The following ADGRE2 variants were observed in gnomAD, a reference collection of about 807,000 sequenced individuals.
The protein encoded by ADGRE2 is adhesion G protein-coupled receptor E2, also known as CD97 antigen.
Under a neutral mutation model 100.8 loss-of-function variants are expected in ADGRE2, and 83 were observed. The observed-to-expected ratio is 0.82, with a 90% CI of 0.69 to 0.99. The LOEUF is 0.99. Ranked by LOEUF, ADGRE2 falls within the 50% of genes least tolerant of loss-of-function variation. The pLI is 0.00. For synonymous variants in ADGRE2, 355 were observed against 413.0 expected (o/e 0.86, Z 1.70); for missense variants, 814 against 1,035.7 (o/e 0.79, Z 2.94).
At chr19:14,731,119 T>G, downstream of ADGRE2, 2 of 1,492,830 alleles carry the variant, frequency 1.3e-6, no homozygotes, top group Non-Finnish European at 1.8e-6. Context: ...GCCCCTTTAT[T>G]CATTCAATTT....
chr19:14,770,027 C>A (rs1329502842), intron 5 of ADGRE2, among the ~76,000 whole-genome samples: 3 of 152,196 alleles, frequency 2.0e-5, no homozygotes, highest in Non-Finnish European at 4.4e-5. Context: ...CATGGCAACA[C>A]ACCTCCTCAA....
At chr19:14,751,929 ATATT>A (rs1342445942) in intron 15 of ADGRE2, among the ~76,000 whole-genome samples, 3 of 83,756 alleles carry the variant, frequency 3.6e-5, no homozygotes, top group South Asian at 4.7e-4. Flanking sequence ...ATATATATAT[ATATT>A]TTTTTTTTTT....
chr19:14,773,805 C>A lies in ADGRE2; in HGVS notation c.199+133G>T, dbSNP rs367857894. On this transcript the variant is annotated intron_variant, in intron 4 of 20. Coordinates refer to ENST00000315576, the MANE Select transcript of ADGRE2 (RefSeq NM_013447.4). The stretch of plus-strand genomic sequence containing the variant: ...GGGAGCCACCACACCTGCCCTCTTT[C>A]TCTTTTCTCTGGCCATGATGATAGT... 1.0e-5 allele frequency: 9 copies of A among 898,824 alleles called. No individual in the cohort carries two copies. The East Asian group carries it at 2.2e-4, about 22-fold the overall frequency. 55.7% of individuals were successfully genotyped at this position (898,824 alleles called of 1,614,324 possible).
rs762489386 is a variant in ADGRE2, at chr19:14,764,426, G to T, written c.1084+7C>A. ...AGCTGGAGTCTGGGGCAGACCCAGG[G>T]ACCTACCTGTGCCTGCAGGATAACT... On this transcript the variant is annotated splice_region_variant and intron_variant, in intron 11 of 20. Transcript: ENST00000315576. 1.7e-5 allele frequency: 27 copies of T among 1,612,426 alleles called. No individual in the cohort carries two copies. The highest frequency in any genetic ancestry group is 2.1e-5 in the Non-Finnish European group (25 of 1,179,610).
downstream of ADGRE2, among the ~76,000 whole-genome samples, chr19:14,730,580 A>T (rs2524367): frequency 0.24 from 35,739 of 151,876 alleles, 4,320 homozygotes; most frequent in Non-Finnish European, 0.26. Context: ...TTTATTATTT[A>T]AAAAAAGTTA....
the ADGRE2 span, among the ~76,000 whole-genome samples, chr19:14,724,596 T>G: frequency 6.6e-6 from 1 of 152,268 alleles, no homozygotes; most frequent in Non-Finnish European, 1.5e-5. Context: ...TGAAGCTCCA[T>G]CTCTACTAAA....
Position 14,776,752 on chromosome 19 carries a change from C to T in ADGRE2, c.5G>A (p.Gly2Glu), listed in dbSNP as rs757681429. The change falls in exon 2 of 21, where the codon GGA (glycine) becomes GAA (glutamate). Residue 2 changes from glycine (G) to glutamate (E), a missense_variant. Gly to Glu is a moderately conservative substitution (Grantham distance 98). This residue lies in a region of ADGRE2 where 143 missense variants were observed against 160.3 expected (regional missense o/e 0.89). Transcript: ENST00000315576. ...GAGAAAGACGAGAAAGACGCGGCCT[C>T]CCATGGTTCCAGCTGAGCTGCCGGC... MGGRVFLVFLAF... is the reference protein window; with the variant it reads MEGRVFLVFLAF... The T allele has an allele frequency of 2.3e-5, 37 of 1,613,580 alleles. No homozygotes were observed. Among genetic ancestry groups the T allele is most frequent in the Non-Finnish European group, 3.1e-5 (37 of 1,179,790 alleles).
intron 5 of ADGRE2, among the ~76,000 whole-genome samples, chr19:14,770,684 T>TTTC (rs1568623367): frequency 3.1e-5 from 4 of 128,348 alleles, no homozygotes; most frequent in Admixed American, 1.6e-4. Context: ...TTTTTTTTTT[T>TTTC]TTTTTTTTTT....
At chr19:14,762,646 T>C (rs190797272) in intron 11 of ADGRE2, among the ~76,000 whole-genome samples, 2 of 152,076 alleles carry the variant, frequency 1.3e-5, no homozygotes, top group Admixed American at 1.3e-4. Context: ...TTTTTAATTT[T>C]AATTTTTTTG....
chr19:14,760,541 A>G (rs2043678649), intron 11 of ADGRE2, among the ~76,000 whole-genome samples: 1 of 152,284 alleles, frequency 6.6e-6, no homozygotes, highest in Non-Finnish European at 1.5e-5. Flanking sequence ...TATACCCCAA[A>G]GAACTGAAGA....
chr19:14,724,763 T>A, the ADGRE2 span, among the ~76,000 whole-genome samples: 37 of 152,252 alleles, frequency 2.4e-4, no homozygotes, highest in Non-Finnish European at 4.4e-4. Context: ...TGAAATTTTG[T>A]CTCAAAAAGA....
intron 4 of ADGRE2, among the ~76,000 whole-genome samples, chr19:14,773,241 C>A (rs2044285469): frequency 6.6e-6 from 1 of 151,424 alleles, no homozygotes; most frequent in South Asian, 2.1e-4. Flanking sequence ...GGAAGCCATG[C>A]CTATTCACTT....
At chr19:14,778,045 T>C (rs993933952) in intron 1 of ADGRE2, among the ~76,000 whole-genome samples, 2 of 152,226 alleles carry the variant, frequency 1.3e-5, no homozygotes, top group Non-Finnish European at 2.9e-5. Flanking sequence ...GTATTTCTAG[T>C]TCTGGATCCT....
In ADGRE2 at chr19:14,736,111, T is replaced by A; in HGVS notation, c.*125A>T. ...AGCACGCCTTCCATAACATCCTTCATATTGCTGACATGGTGAATTTCTTGA... is the reference window on the plus strand; with the variant it reads ...AGCACGCCTTCCATAACATCCTTCAAATTGCTGACATGGTGAATTTCTTGA... On this transcript the variant is annotated 3_prime_UTR_variant, in exon 21 of 21. Transcript: ENST00000315576. 1.1e-6 allele frequency: 1 copy of A among 895,174 alleles called. No individual in the cohort carries two copies. Among genetic ancestry groups the A allele is most frequent in the Non-Finnish European group, 1.8e-6 (1 of 568,774 alleles). 55.5% of individuals were successfully genotyped at this position (895,174 alleles called of 1,614,324 possible). A position where few individuals can be genotyped will look rare whatever the true frequency, so the allele number is the denominator to read the frequency against.
intron 6 of ADGRE2, 80 bp downstream of exon 6, chr19:14,766,898 C>T: frequency 6.5e-7 from 1 of 1,526,938 alleles, no homozygotes; most frequent in Non-Finnish European, 8.9e-7. Flanking sequence ...TCTCCCTCCT[C>T]CTCGGCTGCT....
Position 14,776,875 on chromosome 19 carries a change from A to G in ADGRE2, c.-119T>C. 1.3e-6 allele frequency: 2 copies of G among 1,528,328 alleles called. No homozygotes were observed. Among genetic ancestry groups the G allele is most frequent in the Middle Eastern group, 3.4e-4 (2 of 5,818 alleles). The allele number at this position is 1,528,328 out of a possible 1,614,324, so 94.7% of individuals were successfully genotyped here. A position where few individuals can be genotyped will look rare whatever the true frequency, so the allele number is the denominator to read the frequency against. Reference sequence around the variant, plus strand: ...TCCCGAGGCCAGGACTTTATAAAGGAGGGGGGGCGGACAGCCGCTGGCCCA... The same window carrying G: ...TCCCGAGGCCAGGACTTTATAAAGGGGGGGGGGCGGACAGCCGCTGGCCCA... On this transcript the variant is annotated 5_prime_UTR_variant, in exon 2 of 21. Coordinates refer to ENST00000315576, the MANE Select transcript of ADGRE2 (RefSeq NM_013447.4).
intron 10 of ADGRE2, 100 bp from the exon 11 acceptor site, chr19:14,764,710 T>C: frequency 1.6e-6 from 2 of 1,265,720 alleles, no homozygotes; most frequent in South Asian, 3.0e-5. Flanking sequence ...AGAGACTGTC[T>C]ATCTGGGGGA....
chr19:14,761,166 G>A (rs1287046519), intron 11 of ADGRE2, among the ~76,000 whole-genome samples: 1 of 152,196 alleles, frequency 6.6e-6, no homozygotes, highest in Non-Finnish European at 1.5e-5. Flanking sequence ...CACTTTGGGA[G>A]GCCGAGGCAG....
chr19:14,769,425 C>A (rs993112659), intron 5 of ADGRE2, among the ~76,000 whole-genome samples: 1 of 152,070 alleles, frequency 6.6e-6, no homozygotes, highest in African/African-American at 2.4e-5. Flanking sequence ...GGCCCCAGGT[C>A]TCCTGCCTAT....
Sources: gnomAD v4.1 joint callset for allele counts (sites outside exome capture counted in the v4.1 genomes callset) on GRCh38, gnomAD v4.1.1 for gene constraint, gnomAD v4.1.1 regional missense constraint, MANE v1.5 for transcripts, NCBI Gene and HGNC (gene_info 2026-07-23, HGNC 2026-07-21) for gene names.